Variants in CASC3 observed in about 807,000 individuals in gnomAD.
The protein encoded by CASC3 is protein CASC3.
Under a neutral mutation model 80.5 loss-of-function variants are expected in CASC3, and 30 were observed. The ratio of observed to expected loss-of-function variants is 0.37; its 90% confidence interval spans 0.28 to 0.51. CASC3 has a LOEUF of 0.51. Ranked by LOEUF, CASC3 falls within the 20% of genes least tolerant of loss-of-function variation. The pLI is 0.94. For synonymous variants in CASC3, 312 were observed against 333.6 expected (o/e 0.94, Z 0.70); for missense variants, 824 against 922.2 (o/e 0.89, Z 1.38).
At chr17:40,161,494 C>T (rs2050016820) in intron 3 of CASC3, among the ~76,000 whole-genome samples, 1 of 152,260 alleles carries the variant, frequency 6.6e-6, no homozygotes, top group South Asian at 2.1e-4. Flanking sequence ...GCCTGGCCAA[C>T]ATGGTGAAAC....
At chr17:40,147,481 A>T (rs1988890104) in intron 3 of CASC3, among the ~76,000 whole-genome samples, 3 of 152,038 alleles carry the variant, frequency 2.0e-5, no homozygotes, top group African/African-American at 7.2e-5. Flanking sequence ...TCTACAAAAG[A>T]AAAGTAGAAA....
At chr17:40,151,077 TA>T (rs1182796117) in intron 3 of CASC3, among the ~76,000 whole-genome samples, 5 of 152,076 alleles carry the variant, frequency 3.3e-5, no homozygotes, top group African/African-American at 1.2e-4. Context: ...ACAGTTCATT[TA>T]TTTATAAAGT....
intron 1 of CASC3, 105 bp downstream of exon 1, chr17:40,140,884 AC>A: frequency 1.1e-6 from 1 of 926,208 alleles, no homozygotes. Context: ...AGATACTGGG[AC>A]TTTTTTTTGT....
Position 40,145,314 on chromosome 17 carries a change from C to T in CASC3, c.297+3707C>T, listed in dbSNP as rs919075082. Among the ~76,000 whole-genome samples, 5 of 151,838 alleles carry T rather than the reference C, an allele frequency of 3.3e-5. No individual in the cohort carries two copies. The East Asian group carries it at 9.6e-4, about 29-fold the overall frequency. On this transcript the variant is annotated intron_variant, in intron 3 of 13. Coordinates refer to ENST00000264645, the MANE Select transcript of CASC3 (RefSeq NM_007359.5). Reference sequence around the variant, plus strand: ...TCAGCCTCCCGAGTAGCTGGGACTACAGGTGTGCACCACCACGCTCAGCTA... The same window carrying T: ...TCAGCCTCCCGAGTAGCTGGGACTATAGGTGTGCACCACCACGCTCAGCTA...
chr17:40,162,312 A>G (rs926028611), intron 5 of CASC3, among the ~76,000 whole-genome samples, 159 bp downstream of exon 5: 1 of 152,212 alleles, frequency 6.6e-6, no homozygotes, highest in African/African-American at 2.4e-5. Flanking sequence ...AATATTTGGT[A>G]ACTCTTGGTG....
Position 40,152,123 on chromosome 17 carries a change from AAT to A in CASC3, c.298-9627_298-9626del, listed in dbSNP as rs531320128. On this transcript the variant is annotated intron_variant, in intron 3 of 13. Transcript: ENST00000264645. ...TACTCTCAGCACATTTCAAGTTTAC[AAT>A]ATGTTATTTATTTTTATTTTACATG... Among the ~76,000 whole-genome samples the A allele has an allele frequency of 3.2e-4, 49 of 152,238 alleles. No individual in the cohort carries two copies. The South Asian group carries it at 6.2e-3, about 19-fold the overall frequency.
chr17:40,168,842 G>A (rs1241888289), intron 11 of CASC3: 8 of 218,666 alleles, frequency 3.7e-5, no homozygotes, highest in South Asian at 1.2e-4. Flanking sequence ...CACCTGCCTC[G>A]GCCTCCGAAA....
intron 3 of CASC3, 150 bp from the exon 4 acceptor site, chr17:40,161,603 C>G: frequency 2.9e-6 from 2 of 682,524 alleles, no homozygotes; most frequent in Non-Finnish European, 5.1e-6. Flanking sequence ...TGCTTGACCC[C>G]TGGAGGCAGA....
In CASC3 at chr17:40,164,104, A is replaced by C. The variant is rs1413590627; in HGVS notation, c.1409A>C (p.Asn470Thr). Residue 470 changes from asparagine to threonine, a missense_variant, in exon 7 of 14, where the codon AAT becomes ACT. Physicochemically the swap from Asn to Thr is moderately conservative, Grantham distance 65 (BLOSUM62 0). This residue lies in a region of CASC3 where 464 missense variants were observed against 506.0 expected (regional missense o/e 0.92). Transcript: ENST00000264645. ...SGLEQDVAQL[N>T]IAEQNWSPGQ... is the part of the protein sequence containing the mutation. ...CTTGAGCAAGATGTGGCACAACTAA[A>C]TATAGCAGAACAGAATTGGAGTCCG... 1 of 1,613,588 alleles carries C rather than the reference A, an allele frequency of 6.2e-7. No homozygotes were observed.
At chr17:40,155,046 C>T (rs559249819) in intron 3 of CASC3, among the ~76,000 whole-genome samples, 8 of 151,792 alleles carry the variant, frequency 5.3e-5, no homozygotes, top group Middle Eastern at 3.2e-3. Context: ...CCCGCCACCA[C>T]GCCCAGCTGA....
intron 8 of CASC3, 69 bp downstream of exon 8, chr17:40,166,930 CAAGATA>C (rs1345312960): frequency 5.4e-6 from 6 of 1,101,514 alleles, no homozygotes; most frequent in Non-Finnish European, 7.9e-6. Flanking sequence ...TTGTTTAAAC[CAAGATA>C]AGGTCTTTTT....
intron 6 of CASC3, among the ~76,000 whole-genome samples, chr17:40,163,208 C>T (rs530888302): frequency 6.6e-6 from 1 of 152,248 alleles, no homozygotes; most frequent in East Asian, 1.9e-4. Context: ...GTTCTCGGCT[C>T]ACTGCAACCT....
At chr17:40,147,975 CG>C (rs1988901510) in intron 3 of CASC3, among the ~76,000 whole-genome samples, 1 of 151,990 alleles carries the variant, frequency 6.6e-6, no homozygotes, top group Non-Finnish European at 1.5e-5. Context: ...ATATGATATG[CG>C]GATGTCTTTC....
rs201230723 is a variant in CASC3 at position 40,163,137 on chromosome 17, T to TTTTA, written c.785+249_785+252dup. ...TAGAAAGAATTCTCTTTGCTTTTCT[T>TTTTA]TTTATTTATTTATTTAAGACAGAGT... is the stretch of plus-strand genomic sequence containing the variant. On this transcript the variant is annotated intron_variant, in intron 6 of 13. Transcript: ENST00000264645. Among the ~76,000 whole-genome samples the TTTTA allele has an allele frequency of 9.9e-3, 1,510 of 152,044 alleles. 32 individuals carry two copies. The highest frequency in any genetic ancestry group is 0.034 in the Middle Eastern group (10 of 294).
intron 3 of CASC3, among the ~76,000 whole-genome samples, chr17:40,161,429 C>G (rs925298780): frequency 2.6e-5 from 4 of 152,058 alleles, no homozygotes; most frequent in Non-Finnish European, 4.4e-5. Flanking sequence ...GCCTATAAAC[C>G]CAGCACTTTG....
At chr17:40,151,925 C>A (rs1208072570) in intron 3 of CASC3, among the ~76,000 whole-genome samples, 1 of 152,022 alleles carries the variant, frequency 6.6e-6, no homozygotes, top group African/African-American at 2.4e-5. Flanking sequence ...GCCTCCCCAC[C>A]CCAGCTTTAT....
chr17:40,150,884 G>C (rs1988987298), intron 3 of CASC3, among the ~76,000 whole-genome samples: 2 of 152,002 alleles, frequency 1.3e-5, no homozygotes, highest in African/African-American at 4.8e-5. Context: ...GTGGTGGCGG[G>C]CACCTGTAGT....
chr17:40,163,409 A>T, intron 6 of CASC3, 72 bp from the exon 7 acceptor site: 3 of 1,308,600 alleles, frequency 2.3e-6, no homozygotes, highest in Non-Finnish European at 2.1e-6. Context: ...TGCTGGGATT[A>T]CAGGCCTGAG....
chr17:40,143,598 G>C (rs1035922652), intron 3 of CASC3, among the ~76,000 whole-genome samples: 2 of 152,194 alleles, frequency 1.3e-5, no homozygotes, highest in Non-Finnish European at 2.9e-5. Context: ...TCGGGAGGCT[G>C]AGGTGGGTGG....
Sources: allele counts gnomAD v4.1 joint callset (sites outside exome capture counted in the v4.1 genomes callset), GRCh38; gene constraint gnomAD v4.1.1; regional missense constraint gnomAD v4.1.1; transcripts MANE v1.5; gene names NCBI Gene and HGNC (gene_info 2026-07-23, HGNC 2026-07-21).